Variants in AGMO observed in about 807,000 individuals in gnomAD.
The protein encoded by AGMO is glyceryl-ether monooxygenase.
AGMO carries 75 observed loss-of-function variants against 60.2 expected under a neutral mutation model. That is an observed-to-expected ratio of 1.25 (90% CI 1.03 to 1.51). The LOEUF (loss-of-function observed/expected upper bound fraction) is 1.51, where lower values mean the gene tolerates loss of function less well. AGMO is among the 40% of genes most tolerant of loss of function. The probability of loss-of-function intolerance (pLI) is 0.00; values close to 1 mark genes in which losing one functional copy is unlikely to be tolerated. For missense variants in AGMO, 763 were observed against 525.5 expected, an observed-to-expected ratio of 1.45 and a Z score of -4.42; for synonymous variants, 261 against 177.1, an observed-to-expected ratio of 1.47 and a Z score of -3.76.
intron 10 of AGMO, among the ~76,000 whole-genome samples, chr7:15,377,518 T>C (rs1783501755): frequency 6.6e-6 from 1 of 152,216 alleles, no homozygotes; most frequent in South Asian, 2.1e-4. Context: ...TAATGGCCAC[T>C]ATTTCAAATT....
intron 12 of AGMO, among the ~76,000 whole-genome samples, chr7:15,310,415 G>C (rs1780736312): frequency 6.6e-6 from 1 of 152,020 alleles, no homozygotes; most frequent in African/African-American, 2.4e-5. Context: ...GTTTCCATTT[G>C]GAAAATTTTG....
chr7:15,534,139 G>A (rs1180123143), intron 3 of AGMO, among the ~76,000 whole-genome samples: 1 of 151,820 alleles, frequency 6.6e-6, no homozygotes, highest in Non-Finnish European at 1.5e-5. Flanking sequence ...GAACAAATCT[G>A]TTTTAGCAAT....
chr7:15,137,706 T>C, the AGMO span, among the ~76,000 whole-genome samples: 1 of 152,298 alleles, frequency 6.6e-6, no homozygotes, highest in African/African-American at 2.4e-5. Flanking sequence ...AGAACTATTA[T>C]GATCATGTTG....
chr7:15,359,857 T>C (rs1168702798), intron 12 of AGMO, among the ~76,000 whole-genome samples: 3 of 152,230 alleles, frequency 2.0e-5, no homozygotes, highest in African/African-American at 7.2e-5. Context: ...ATAGTGTATT[T>C]GAATTATAGA....
intron 3 of AGMO, among the ~76,000 whole-genome samples, chr7:15,507,856 T>C (rs1007401012): frequency 6.6e-6 from 1 of 152,076 alleles, no homozygotes; most frequent in African/African-American, 2.4e-5. Flanking sequence ...ACTGATACCA[T>C]GTCTGAGGTT....
intron 12 of AGMO, among the ~76,000 whole-genome samples, chr7:15,343,973 C>G (rs529311584): frequency 6.6e-6 from 1 of 152,072 alleles, no homozygotes; most frequent in East Asian, 1.9e-4. Flanking sequence ...TTTAACTATC[C>G]ATAAAACTAA....
intron 3 of AGMO, among the ~76,000 whole-genome samples, chr7:15,482,806 T>C (rs2128517926): frequency 6.6e-6 from 1 of 152,286 alleles, no homozygotes; most frequent in East Asian, 1.9e-4. Flanking sequence ...TGTATTTCTA[T>C]TCAGGTGGGT....
chr7:15,225,355 T>A (rs1317640394), intron 12 of AGMO, among the ~76,000 whole-genome samples: 14 of 152,006 alleles, frequency 9.2e-5, no homozygotes, highest in Non-Finnish European at 7.4e-5. Flanking sequence ...CTTTGTATTT[T>A]CTTATGATAT....
chr7:15,450,868 G>T (rs1781839419), intron 3 of AGMO, among the ~76,000 whole-genome samples: 1 of 151,940 alleles, frequency 6.6e-6, no homozygotes, highest in South Asian at 2.1e-4. Context: ...ATCCAAACAT[G>T]AATATTAATA....
At chr7:15,334,614 G>A (rs186242784) in intron 12 of AGMO, among the ~76,000 whole-genome samples, 2 of 152,136 alleles carry the variant, frequency 1.3e-5, no homozygotes, top group African/African-American at 2.4e-5. Context: ...CAAGGCAGGT[G>A]TATTTTTATT....
the AGMO span, among the ~76,000 whole-genome samples, chr7:15,133,255 A>G: frequency 6.6e-6 from 1 of 152,228 alleles, no homozygotes; most frequent in African/African-American, 2.4e-5. Flanking sequence ...AATTGCAGGC[A>G]TAACTTCAGG....
intron 12 of AGMO, among the ~76,000 whole-genome samples, chr7:15,205,745 T>C (rs961020376): frequency 8.5e-5 from 13 of 152,144 alleles, no homozygotes; most frequent in African/African-American, 3.1e-4. Flanking sequence ...TATAGGTTTA[T>C]ATACTTATTT....
chr7:15,384,817 C>CTTTTTTT (rs71953359), intron 10 of AGMO, among the ~76,000 whole-genome samples: 3 of 121,306 alleles, frequency 2.5e-5, no homozygotes, highest in African/African-American at 6.2e-5. Flanking sequence ...CTGTTTTTCT[C>CTTTTTTT]TTTTTTTTTT....
chr7:15,275,361 T>G (rs1783751819), intron 12 of AGMO, among the ~76,000 whole-genome samples: 1 of 152,168 alleles, frequency 6.6e-6, no homozygotes, highest in Non-Finnish European at 1.5e-5. Flanking sequence ...GAGTTCATAC[T>G]GGTATTGATT....
In AGMO at chr7:15,385,521, C is replaced by A; in HGVS notation, c.999G>T (p.Gln333His). The stretch of plus-strand genomic sequence containing the variant: ...GTACAACTGTATATATCTTTAATAG[C>A]TGAGATGAAGATGATGAGAAGGGAA... Reference protein sequence around the residue: ...KEVPFSSSSSQLLKIYTVVQF... With the variant: ...KEVPFSSSSSHLLKIYTVVQF... The change falls in exon 10 of 13, where the codon CAG becomes CAT. Residue 333 changes from glutamine (Q) to histidine (H), a missense_variant. Gln to His is a conservative substitution (Grantham distance 24). Coordinates refer to ENST00000342526, the MANE Select transcript of AGMO (RefSeq NM_001004320.2). 1 of 1,613,206 alleles carries A rather than the reference C, an allele frequency of 6.2e-7. No individual in the cohort carries two copies.
intron 3 of AGMO, among the ~76,000 whole-genome samples, chr7:15,543,331 C>T (rs976094591): frequency 6.6e-5 from 10 of 152,158 alleles, no homozygotes; most frequent in Non-Finnish European, 1.5e-4. Flanking sequence ...AGGTTCAGAC[C>T]TAGATTTGTT....
chr7:15,425,852 G>A (rs563186306), intron 4 of AGMO, among the ~76,000 whole-genome samples: 1 of 152,074 alleles, frequency 6.6e-6, no homozygotes, highest in Non-Finnish European at 1.5e-5. Context: ...TACCAACGTA[G>A]AGAACATAGC....
chr7:15,208,377 C>A (rs1781493115), intron 12 of AGMO, among the ~76,000 whole-genome samples: 1 of 152,104 alleles, frequency 6.6e-6, no homozygotes, highest in South Asian at 2.1e-4. Flanking sequence ...TAATCTTTTT[C>A]CACCAATAAT....
intron 12 of AGMO, among the ~76,000 whole-genome samples, chr7:15,275,057 T>C (rs1783740112): frequency 6.6e-6 from 1 of 152,126 alleles, no homozygotes; most frequent in Admixed American, 6.6e-5. Flanking sequence ...AGTTCTGCTC[T>C]AATGTTTGTT....
Sources: gnomAD v4.1 joint callset for allele counts (sites outside exome capture counted in the v4.1 genomes callset) on GRCh38, gnomAD v4.1.1 for gene constraint, MANE v1.5 for transcripts, NCBI Gene and HGNC (gene_info 2026-07-23, HGNC 2026-07-21) for gene names.